Variants in RYR3 observed in about 807,000 individuals in gnomAD.
RYR3 encodes ryanodine receptor 3, also known as brain ryanodine receptor-calcium release channel.
RYR3 carries 207 observed loss-of-function variants against 584.3 expected under a neutral mutation model. The observed-to-expected ratio is 0.35, with a 90% CI of 0.32 to 0.40. The LOEUF (loss-of-function observed/expected upper bound fraction) is 0.40, where lower values mean the gene tolerates loss of function less well. Among genes scored for constraint, RYR3 ranks in the 10% least tolerant of loss-of-function variants. RYR3 has a pLI of 1.00. For synonymous variants in RYR3, 2,416 were observed against 2,248.5 expected (o/e 1.07, Z -2.11); for missense variants, 5,616 against 6,089.2 (o/e 0.92, Z 2.59).
At chr15:33,750,391 T>C (rs2071163888) in intron 57 of RYR3, 105 bp downstream of exon 57, 1 of 1,127,124 alleles carries the variant, frequency 8.9e-7, no homozygotes, top group African/African-American at 1.6e-5. Context: ...AATTGAGTCT[T>C]TTAAAATGAG....
At chr15:33,460,280 C>G (rs1231604564) in intron 1 of RYR3, among the ~76,000 whole-genome samples, 1 of 152,218 alleles carries the variant, frequency 6.6e-6, no homozygotes, top group Non-Finnish European at 1.5e-5. Flanking sequence ...TTAACTAAAG[C>G]CTTCGGGCTG....
intron 68 of RYR3, 144 bp downstream of exon 68, chr15:33,801,001 C>T (rs568768726): frequency 5.6e-5 from 36 of 644,810 alleles, no homozygotes; most frequent in Admixed American, 1.5e-4. Flanking sequence ...CATGACACTG[C>T]CTCAGGAGGT....
At chr15:33,582,507 A>G (rs545764674) in intron 14 of RYR3, among the ~76,000 whole-genome samples, 2 of 152,350 alleles carry the variant, frequency 1.3e-5, no homozygotes, top group South Asian at 4.1e-4. Flanking sequence ...GTATTGACCC[A>G]GTAGGCATGA....
At chr15:33,664,196 C>A (rs770443013) in intron 36 of RYR3, among the ~76,000 whole-genome samples, 1 of 152,088 alleles carries the variant, frequency 6.6e-6, no homozygotes, top group Non-Finnish European at 1.5e-5. Context: ...ACCCCCTTGC[C>A]GGTGGCACGA....
At position 33,844,992 on chromosome 15, in the gene RYR3, C is replaced by T. The variant is rs747373052; in HGVS notation, c.13427C>T (p.Thr4476Ile). The change falls in exon 93 of 104, where the codon ACC (threonine) becomes ATC (isoleucine). Residue 4476 changes from threonine (T) to isoleucine (I), a missense_variant. Transcript: ENST00000634891. ...LQESTGYMAP[T>I]LRALAIIHTI... The stretch of plus-strand genomic sequence containing the variant: ...GAGAGCACCGGGTATATGGCACCAA[C>T]CCTGCGTGCCCTGGCCATCATCCAT... 1.8e-5 allele frequency: 29 copies of T among 1,613,992 alleles called. No homozygotes were observed. In the South Asian group the frequency reaches 2.9e-4, roughly 16 times the overall value.
intron 18 of RYR3, among the ~76,000 whole-genome samples, chr15:33,611,501 A>G (rs2060182904): frequency 6.6e-6 from 1 of 151,720 alleles, no homozygotes; most frequent in Non-Finnish European, 1.5e-5. Flanking sequence ...GCTTGCATTG[A>G]GCCCAGATTG....
intron 103 of RYR3, 56 bp from the exon 104 acceptor site, chr15:33,865,075 G>T: frequency 7.2e-7 from 1 of 1,397,070 alleles, no homozygotes; most frequent in Non-Finnish European, 1.0e-6. Flanking sequence ...AAACAAACTG[G>T]GTTTTAGCTT....
chr15:33,795,380 CTT>C (rs1201963780), intron 67 of RYR3, among the ~76,000 whole-genome samples: 8 of 92,464 alleles, frequency 8.7e-5, no homozygotes, highest in African/African-American at 1.8e-4. Context: ...TTTTTCTTTT[CTT>C]TTTTTTTTTT....
At chr15:33,502,914 C>G (rs2052126512) in intron 2 of RYR3, among the ~76,000 whole-genome samples, 1 of 152,108 alleles carries the variant, frequency 6.6e-6, no homozygotes, top group Non-Finnish European at 1.5e-5. Flanking sequence ...ATGCAAAGCC[C>G]TTAGAACAGT....
chr15:33,764,129 TAC>T (rs1321092590), intron 60 of RYR3, among the ~76,000 whole-genome samples: 5 of 152,056 alleles, frequency 3.3e-5, no homozygotes, highest in African/African-American at 1.2e-4. Context: ...CATGCCCGTG[TAC>T]GTTTATTGCA....
rs1234240814 is a variant in RYR3, at chr15:33,848,297, T to G, written c.13504T>G (p.Leu4502Val). 2 of 1,613,514 alleles carry G rather than the reference T, an allele frequency of 1.2e-6. No individual in the cohort carries two copies. Among genetic ancestry groups the G allele is most frequent in the Admixed American group, 3.3e-5 (2 of 60,020 alleles). The change falls in exon 94 of 104, where the codon TTG becomes GTG. Residue 4502 changes from leucine to valine, a missense_variant. Physicochemically the swap from Leu to Val is conservative, Grantham distance 32. Coordinates refer to ENST00000634891, the MANE Select transcript of RYR3 (RefSeq NM_001036.6). ...VVGYYCLKVP[L>V]VVFKREKEIA... ...ATCCTCCTCCCACTCCTAGGTGCCT[T>G]TGGTGGTTTTCAAAAGGGAAAAAGA... is the stretch of plus-strand genomic sequence containing the variant.
intron 94 of RYR3, 65 bp downstream of exon 94, chr15:33,848,486 T>C: frequency 6.5e-7 from 1 of 1,527,636 alleles, no homozygotes. Flanking sequence ...GAGTAACTCT[T>C]TCCTCCTGGC....
chr15:33,359,097 C>A (rs769564831), intron 1 of RYR3, among the ~76,000 whole-genome samples: 4 of 152,176 alleles, frequency 2.6e-5, no homozygotes, highest in Non-Finnish European at 2.9e-5. Context: ...CTAGTTTAGG[C>A]CCCTGTCATC....
Position 33,652,855 on chromosome 15 carries a change from A to G in RYR3, c.4280A>G (p.Asn1427Ser), listed in dbSNP as rs568355049. Reference sequence around the variant, plus strand: ...ATGGGCATGTTGTCCTTCTCAGCCAATGGAAAGGAACTGGGCACCTGCTAC... The same window carrying G: ...ATGGGCATGTTGTCCTTCTCAGCCAGTGGAAAGGAACTGGGCACCTGCTAC... ...LAMGMLSFSA[N>S]GKELGTCYQV... Residue 1427 changes from asparagine (N) to serine (S), a missense_variant, in exon 32 of 104, where the codon AAT becomes AGT. Physicochemically the swap from Asn to Ser is conservative, Grantham distance 46. Coordinates refer to ENST00000634891, the MANE Select transcript of RYR3 (RefSeq NM_001036.6). 6.2e-7 allele frequency: 1 copy of G among 1,613,044 alleles called. No individual in the cohort carries two copies. The highest frequency in any genetic ancestry group is 1.1e-5 in the South Asian group (1 of 90,902).
intron 12 of RYR3, among the ~76,000 whole-genome samples, chr15:33,567,830 G>T (rs560337035): frequency 6.6e-6 from 1 of 152,286 alleles, no homozygotes; most frequent in African/African-American, 2.4e-5. Flanking sequence ...ATTGTTATAG[G>T]CCCTCCAGGT....
intron 1 of RYR3, among the ~76,000 whole-genome samples, chr15:33,440,964 C>T (rs377001000): frequency 6.6e-6 from 1 of 152,218 alleles, no homozygotes; most frequent in East Asian, 1.9e-4. Flanking sequence ...CTCACTGGCT[C>T]TTTCTTGTGG....
chr15:33,690,440 A>G (rs569474677), intron 38 of RYR3, among the ~76,000 whole-genome samples: 47 of 152,256 alleles, frequency 3.1e-4, no homozygotes, highest in Non-Finnish European at 5.0e-4. Flanking sequence ...TTATTTCTCA[A>G]TGTGAGGTGT....
intron 20 of RYR3, 62 bp downstream of exon 20, chr15:33,624,085 C>G: frequency 1.8e-6 from 2 of 1,136,548 alleles, no homozygotes; most frequent in Non-Finnish European, 2.6e-6. Flanking sequence ...TTAAATACTT[C>G]TTTCTTTCTT....
rs190627946 is a variant in RYR3, at chr15:33,647,174, G to A, written c.3942-250G>A. 3.6e-4 allele frequency among the ~76,000 whole-genome samples: 55 copies of A among 152,266 alleles called. No individual in the cohort carries two copies. The East Asian group carries it at 0.01, about 28-fold the overall frequency. ...CCTACTTATATTATTGCGGTCTTCC[G>A]TCCTCACTCTCAACTTACCATCTAA... On this transcript the variant is annotated intron_variant, in intron 29 of 103. Coordinates refer to ENST00000634891, the MANE Select transcript of RYR3 (RefSeq NM_001036.6).
Sources: gnomAD v4.1 joint callset for allele counts (sites outside exome capture counted in the v4.1 genomes callset) on GRCh38, gnomAD v4.1.1 for gene constraint, MANE v1.5 for transcripts, NCBI Gene and HGNC (gene_info 2026-07-23, HGNC 2026-07-21) for gene names.